The following PPM1B variants were observed in gnomAD, a reference collection of about 807,000 sequenced individuals.
PPM1B encodes protein phosphatase, Mg2+/Mn2+ dependent 1B.
Under a neutral mutation model 43.0 loss-of-function variants are expected in PPM1B, and 22 were observed. That is an observed-to-expected ratio of 0.51 (90% CI 0.37 to 0.73). The LOEUF (loss-of-function observed/expected upper bound fraction) is 0.73, where lower values mean the gene tolerates loss of function less well. Ranked by LOEUF, PPM1B falls within the 30% of genes least tolerant of loss-of-function variation. PPM1B has a pLI of 0.00. For synonymous variants in PPM1B, 217 were observed against 197.9 expected (o/e 1.10, Z -0.81); for missense variants, 632 against 584.2 (o/e 1.08, Z -0.84).
At position 44,190,452 on chromosome 2, in the gene PPM1B, C is replaced by A. The variant is rs191378633; in HGVS notation, c.-14-10734C>A. On this transcript the variant is annotated intron_variant, in intron 1 of 5. Transcript: ENST00000282412. ...GGGATTACAGGCGTGAGCCACTGTG[C>A]CTGGCCAAGTATATTTGATTTTGAG... is the stretch of plus-strand genomic sequence containing the variant. Among the ~76,000 whole-genome samples, 510 of 152,246 alleles carry A rather than the reference C, an allele frequency of 3.3e-3. 3 individuals carry two copies. The highest frequency in any genetic ancestry group is 0.012 in the African/African-American group (489 of 41,544).
At chr2:44,221,531 A>T (rs1420354562) in intron 5 of PPM1B, among the ~76,000 whole-genome samples, 1 of 152,206 alleles carries the variant, frequency 6.6e-6, no homozygotes, top group East Asian at 1.9e-4. Flanking sequence ...GAAAGATGAA[A>T]GTATGCTAGA....
chr2:44,190,155 A>ATT lies in PPM1B; in HGVS notation c.-14-11012_-14-11011dup, dbSNP rs35252924. Among the ~76,000 whole-genome samples the ATT allele has an allele frequency of 2.3e-3, 254 of 112,036 alleles. 1 individual carries two copies. Among genetic ancestry groups the ATT allele is most frequent in the African/African-American group, 7.7e-3 (246 of 31,770 alleles). The allele number at this position is 112,036 out of a possible 152,430, so 73.5% of individuals were successfully genotyped here. ...TAGTAGAGAAATTTGAGTTTATTTG[A>ATT]TTTTTTTTTTTTTTTTTTTTGAGAC... On this transcript the variant is annotated intron_variant, in intron 1 of 5. Coordinates refer to ENST00000282412, the MANE Select transcript of PPM1B (RefSeq NM_002706.6).
intron 1 of PPM1B, among the ~76,000 whole-genome samples, chr2:44,189,662 G>A (rs1332728571): frequency 4.0e-5 from 6 of 151,674 alleles, no homozygotes; most frequent in East Asian, 1.9e-4. Flanking sequence ...ATGGGGTTTC[G>A]CCATGTTGGC....
chr2:44,244,820 G>GATATATATAT (rs542334922), downstream of PPM1B, among the ~76,000 whole-genome samples: 7,268 of 128,840 alleles, frequency 0.056, 235 homozygotes, highest in South Asian at 0.1. Flanking sequence ...AATTACTTGA[G>GATATATATAT]ATATATATAT....
At chr2:44,238,816 C>T (rs1293328237), downstream of PPM1B, among the ~76,000 whole-genome samples, 3 of 152,092 alleles carry the variant, frequency 2.0e-5, no homozygotes, top group Non-Finnish European at 2.9e-5. Flanking sequence ...CATGAAAGTT[C>T]TGTAGGCTCC....
intron 3 of PPM1B, among the ~76,000 whole-genome samples, chr2:44,209,801 T>C (rs1004775702): frequency 4.6e-4 from 69 of 150,118 alleles, no homozygotes; most frequent in African/African-American, 1.7e-3. Context: ...AAAAATTCCA[T>C]AGGACAAACA....
chr2:44,236,402 C>CAAAAAAAAAAAAAAAAAAAAAAA (rs61414038), downstream of PPM1B, among the ~76,000 whole-genome samples: 60 of 47,516 alleles, frequency 1.3e-3, 2 homozygotes, highest in Admixed American at 2.1e-3. Context: ...GACTCCGTCT[C>CAAAAAAAAAAAAAAAAAAAAAAA]AAAAAAAAAA....
intron 3 of PPM1B, among the ~76,000 whole-genome samples, chr2:44,209,747 A>C (rs1392400698): frequency 6.6e-6 from 1 of 151,086 alleles, no homozygotes; most frequent in Non-Finnish European, 1.5e-5. Flanking sequence ...ACTGCACTCC[A>C]GCCTGGGCAA....
At chr2:44,234,570 G>T, downstream of PPM1B, 7 of 985,228 alleles carry the variant, frequency 7.1e-6, no homozygotes, top group Non-Finnish European at 8.4e-6. Flanking sequence ...GCAGGGTGGG[G>T]GTTACTGGTG....
At chr2:44,179,496 T>C (rs1182506707) in intron 1 of PPM1B, among the ~76,000 whole-genome samples, 17 of 152,154 alleles carry the variant, frequency 1.1e-4, no homozygotes, top group Admixed American at 6.5e-5. Flanking sequence ...CTCTCTCTCT[T>C]TTTTTTAATC....
intron 3 of PPM1B, among the ~76,000 whole-genome samples, chr2:44,215,084 A>C (rs1290450789): frequency 1.3e-5 from 2 of 152,218 alleles, no homozygotes; most frequent in Admixed American, 6.5e-5. Flanking sequence ...AGAGATAACA[A>C]ATATGTAATA....
At chr2:44,178,720 A>G (rs1161978288) in intron 1 of PPM1B, among the ~76,000 whole-genome samples, 2 of 151,734 alleles carry the variant, frequency 1.3e-5, no homozygotes, top group East Asian at 3.9e-4. Context: ...TCCTCCCGCC[A>G]TGGCCTCCCA....
At chr2:44,236,035 C>T (rs1369892480), downstream of PPM1B, among the ~76,000 whole-genome samples, 1 of 151,970 alleles carries the variant, frequency 6.6e-6, no homozygotes, top group Non-Finnish European at 1.5e-5. Context: ...GAATTTACCA[C>T]CAAGAGTCAT....
At chr2:44,220,411 A>G (rs1669924442) in intron 5 of PPM1B, among the ~76,000 whole-genome samples, 1 of 152,174 alleles carries the variant, frequency 6.6e-6, no homozygotes, top group African/African-American at 2.4e-5. Flanking sequence ...AGCTACATAA[A>G]CAGGGAATAA....
chr2:44,205,695 A>G (rs1409571399), intron 2 of PPM1B, among the ~76,000 whole-genome samples: 1 of 152,180 alleles, frequency 6.6e-6, no homozygotes, highest in Non-Finnish European at 1.5e-5. Flanking sequence ...CTTAAATTAT[A>G]AAAGTCGGTA....
chr2:44,178,430 A>G (rs1328117824), intron 1 of PPM1B, among the ~76,000 whole-genome samples: 1 of 147,388 alleles, frequency 6.8e-6, no homozygotes, highest in Non-Finnish European at 1.5e-5. Flanking sequence ...TTATACTCCT[A>G]CCAGTGGTGT....
chr2:44,218,309 A>G (rs922169310), intron 4 of PPM1B, among the ~76,000 whole-genome samples, 171 bp from the exon 5 acceptor site: 4 of 152,176 alleles, frequency 2.6e-5, no homozygotes, highest in African/African-American at 4.8e-5. Flanking sequence ...AAGGAGTACA[A>G]ATGGATTGTG....
At position 44,226,319 on chromosome 2, in the gene PPM1B, A is replaced by G. The variant is rs1476482765; in HGVS notation, c.1135-4094A>G. ...CAACTTCTCTTCCCCAACTGTCACTACTATAGCAATTCACAGAAATACAGG... is the reference window on the plus strand; with the variant it reads ...CAACTTCTCTTCCCCAACTGTCACTGCTATAGCAATTCACAGAAATACAGG... On this transcript the variant is annotated intron_variant, in intron 5 of 5. Transcript: ENST00000282412. 3.3e-5 allele frequency among the ~76,000 whole-genome samples: 5 copies of G among 152,086 alleles called. No individual in the cohort carries two copies. The South Asian group carries it at 1.0e-3, about 32-fold the overall frequency.
At position 44,178,024 on chromosome 2, in the gene PPM1B, C is replaced by A. The variant is rs138769359; in HGVS notation, c.-15+8750C>A. 2.1e-4 allele frequency among the ~76,000 whole-genome samples: 31 copies of A among 150,962 alleles called. No individual in the cohort carries two copies. In the East Asian group the frequency reaches 5.9e-3, roughly 29 times the overall value. On this transcript the variant is annotated intron_variant, in intron 1 of 5. Transcript: ENST00000282412. ...CCTTGCCCTCCCAGGCTCCAGTGAT[C>A]CTCCCACCTCAGCCTCCCAAATACC...
Sources: allele counts gnomAD v4.1 joint callset (sites outside exome capture counted in the v4.1 genomes callset), GRCh38; gene constraint gnomAD v4.1.1; transcripts MANE v1.5; gene names NCBI Gene and HGNC (gene_info 2026-07-23, HGNC 2026-07-21).